The following BEST3 variants were observed in gnomAD, a reference collection of about 807,000 sequenced individuals.
BEST3 encodes the protein bestrophin-3.
BEST3 carries 50 observed loss-of-function variants against 47.1 expected under a neutral mutation model. The observed-to-expected ratio is 1.06, with a 90% CI of 0.85 to 1.34. The LOEUF is 1.34. Ranked by LOEUF, BEST3 falls within the 40% of genes most tolerant of loss-of-function variation. BEST3 has a pLI of 0.00. For missense variants in BEST3, 765 were observed against 817.0 expected (o/e 0.94, Z 0.78); for synonymous variants, 282 against 298.8 (o/e 0.94, Z 0.58).
chr12:69,697,775 T>C lies in BEST3; in HGVS notation c.24A>G (p.Lys8=), dbSNP rs368762567. 6.2e-7 allele frequency: 1 copy of C among 1,610,316 alleles called. No homozygotes were observed. Among genetic ancestry groups the C allele is most frequent in the Non-Finnish European group, 8.5e-7 (1 of 1,178,942 alleles). ...ATCCAAAAAAAGTTGCATTTGCTACTTTACTGGAGTAAGTGACAGTCATCT... is the reference window on the plus strand; with the variant it reads ...ATCCAAAAAAAGTTGCATTTGCTACCTTACTGGAGTAAGTGACAGTCATCT... The part of the protein sequence containing the change: MTVTYSS[K]VANATFFGFH... The change falls in exon 2 of 10, where the codon AAA becomes AAG. Residue 8 remains lysine, a synonymous_variant. Transcript: ENST00000330891.
rs1454788971 is a variant in BEST3, at chr12:69,653,909, T to G, written c.*998A>C. ...CATAAGAGTTCAAGTTAAACAGATG[T>G]GAGTCATCTTATTCTTTGGTTCCAT... On this transcript the variant is annotated 3_prime_UTR_variant, in exon 10 of 10. Coordinates refer to ENST00000330891, the MANE Select transcript of BEST3 (RefSeq NM_032735.3). 3.0e-6 allele frequency: 3 copies of G among 985,334 alleles called. No homozygotes were observed. The African/African-American group carries it at 5.2e-5, about 17-fold the overall frequency. 61.0% of individuals were successfully genotyped at this position (985,334 alleles called of 1,614,324 possible). A position where few individuals can be genotyped will look rare whatever the true frequency, so the allele number is the denominator to read the frequency against.
intron 4 of BEST3, among the ~76,000 whole-genome samples, chr12:69,682,140 C>T (rs1440452840): frequency 2.7e-5 from 4 of 150,100 alleles, no homozygotes; most frequent in Admixed American, 6.6e-5. Flanking sequence ...CTTAGAGATT[C>T]TGATTCAATT....
At chr12:69,650,667 G>C (rs1883178180), downstream of BEST3, among the ~76,000 whole-genome samples, 1 of 152,174 alleles carries the variant, frequency 6.6e-6, no homozygotes, top group African/African-American at 2.4e-5. Context: ...CTTTGAACCA[G>C]GGGTTCTAAA....
At chr12:69,678,578 C>G (rs1885059389) in intron 5 of BEST3, among the ~76,000 whole-genome samples, 161 bp downstream of exon 5, 2 of 152,230 alleles carry the variant, frequency 1.3e-5, no homozygotes, top group South Asian at 2.1e-4. Flanking sequence ...TGTGTACCAC[C>G]TCTGTCCTGC....
intron 1 of BEST3, 135 bp from the exon 2 acceptor site, chr12:69,697,948 T>A: frequency 1.5e-6 from 1 of 670,102 alleles, no homozygotes; most frequent in Non-Finnish European, 2.4e-6. Flanking sequence ...TCTTAGTTTC[T>A]ATAATTCGGA....
chr12:69,661,437 A>G (rs1883864639), intron 9 of BEST3: 1 of 152,206 alleles, frequency 6.6e-6, no homozygotes, highest in South Asian at 2.1e-4. Flanking sequence ...TTGCTAGTGT[A>G]CTCACAGTCA....
downstream of BEST3, among the ~76,000 whole-genome samples, chr12:69,650,760 A>G (rs533192446): frequency 9.9e-5 from 15 of 152,150 alleles, no homozygotes; most frequent in Non-Finnish European, 1.5e-4. Flanking sequence ...GAGACACATA[A>G]TGGGTTAGAG....
chr12:69,656,602 T>A (rs1472988523), intron 9 of BEST3, among the ~76,000 whole-genome samples: 3 of 152,068 alleles, frequency 2.0e-5, no homozygotes, highest in Non-Finnish European at 4.4e-5. Context: ...AATAATTAGA[T>A]GAGTTGGTAT....
chr12:69,677,094 G>A, intron 6 of BEST3, 26 bp from the exon 7 acceptor site: 2 of 1,614,146 alleles, frequency 1.2e-6, no homozygotes. Context: ...ACCAGAGTGA[G>A]GGGACAGTGC....
chr12:69,676,739 CCT>C (rs1212177769), intron 7 of BEST3, among the ~76,000 whole-genome samples, 175 bp downstream of exon 7: 6 of 152,116 alleles, frequency 3.9e-5, no homozygotes, highest in African/African-American at 1.4e-4. Flanking sequence ...TGTTTCTATC[CCT>C]GTCACTTGAA....
chr12:69,695,083 C>T (rs893331799), intron 2 of BEST3, among the ~76,000 whole-genome samples: 2 of 152,044 alleles, frequency 1.3e-5, no homozygotes, highest in African/African-American at 4.8e-5. Context: ...TAGATCTAAC[C>T]CAACCTGCCC....
chr12:69,695,108 G>A (rs532004303), intron 2 of BEST3, among the ~76,000 whole-genome samples: 74 of 152,130 alleles, frequency 4.9e-4, no homozygotes, highest in African/African-American at 1.8e-3. Context: ...CCCATTTTCT[G>A]GTATTGTTAA....
rs376101886 is a variant in BEST3 at position 69,672,984 on chromosome 12, A to G, written c.868-19T>C. The G allele has an allele frequency of 1.1e-4, 171 of 1,580,284 alleles. No homozygotes were observed. Among genetic ancestry groups the G allele is most frequent in the Non-Finnish European group, 1.4e-4 (164 of 1,156,490 alleles). On this transcript the variant is annotated intron_variant, in intron 7 of 9. Transcript: ENST00000330891. ...CTGCTACCTGTAGTTGAGAACATAA[A>G]ATAAATCCATCATGATACCTGTGAA... is the stretch of plus-strand genomic sequence containing the variant.
intron 2 of BEST3, among the ~76,000 whole-genome samples, chr12:69,697,282 A>G (rs961534996): frequency 5.9e-5 from 9 of 152,194 alleles, no homozygotes. Flanking sequence ...ATCATCAACT[A>G]TGAATGACAA....
chr12:69,643,693 A>T (rs1387204725), exon 10 of BEST3: 1 of 697,164 alleles, frequency 1.4e-6, no homozygotes, highest in Non-Finnish European at 2.7e-6. Context: ...TTGTACCTTT[A>T]ACCACCAGGA....
chr12:69,674,396 A>T (rs1334083570), intron 7 of BEST3, among the ~76,000 whole-genome samples: 1 of 152,132 alleles, frequency 6.6e-6, no homozygotes, highest in African/African-American at 2.4e-5. Context: ...GGTTGAGGCC[A>T]GGCATCAGTG....
downstream of BEST3, among the ~76,000 whole-genome samples, chr12:69,649,872 A>G (rs145166772): frequency 2.3e-3 from 353 of 152,338 alleles, 3 homozygotes; most frequent in African/African-American, 8.1e-3. Context: ...CCCATTTTAG[A>G]AACGTTCTTA....
At chr12:69,657,893 G>A (rs1883609405) in intron 9 of BEST3, among the ~76,000 whole-genome samples, 1 of 152,170 alleles carries the variant, frequency 6.6e-6, no homozygotes, top group African/African-American at 2.4e-5. Flanking sequence ...ATAGCCTTCT[G>A]ACCCACCCTC....
intron 4 of BEST3, among the ~76,000 whole-genome samples, chr12:69,680,162 C>G (rs1388092547): frequency 6.6e-6 from 1 of 151,892 alleles, no homozygotes; most frequent in East Asian, 1.9e-4. Context: ...CTCCTCCCTC[C>G]CCAAACACCA....
Sources: gnomAD v4.1 joint callset for allele counts (sites outside exome capture counted in the v4.1 genomes callset) on GRCh38, gnomAD v4.1.1 for gene constraint, MANE v1.5 for transcripts, NCBI Gene and HGNC (gene_info 2026-07-23, HGNC 2026-07-21) for gene names.